IGF1R: variants seen among roughly 807,000 people sequenced by gnomAD.
IGF1R encodes the protein insulin-like growth factor 1 receptor.
In IGF1R, 44 loss-of-function variants were observed where a neutral mutation model predicts 144.6. That is an observed-to-expected ratio of 0.30 (90% CI 0.24 to 0.39). IGF1R has a LOEUF of 0.39. Ranked by LOEUF, IGF1R falls within the 10% of genes least tolerant of loss-of-function variation. IGF1R has a pLI of 1.00. For missense variants in IGF1R, 1,355 were observed against 1,833.7 expected (o/e 0.74, Z 4.77); for synonymous variants, 795 against 722.8 (o/e 1.10, Z -1.60).
chr15:98,723,817 C>T (rs1596235473), intron 2 of IGF1R, among the ~76,000 whole-genome samples: 1 of 152,098 alleles, frequency 6.6e-6, no homozygotes, highest in East Asian at 1.9e-4. Flanking sequence ...ATTATGAAGG[C>T]ATTTAGATTT....
chr15:98,840,684 T>G (rs1000556749), intron 2 of IGF1R, among the ~76,000 whole-genome samples: 11 of 150,856 alleles, frequency 7.3e-5, no homozygotes, highest in Admixed American at 4.0e-4. Context: ...TTTGTTTTTT[T>G]TTTTTTTTTG....
intron 4 of IGF1R, chr15:98,897,405 G>A (rs2151653667): frequency 5.5e-6 from 1 of 181,788 alleles, no homozygotes; most frequent in African/African-American, 2.4e-5. Flanking sequence ...GAGACAAAAG[G>A]ATACAAGTGT....
intron 1 of IGF1R, among the ~76,000 whole-genome samples, chr15:98,658,876 T>C (rs952642883): frequency 2.0e-5 from 3 of 152,230 alleles, no homozygotes; most frequent in African/African-American, 7.2e-5. Context: ...AGCTAAGCTC[T>C]CAGGCAAATA....
chr15:98,865,130 G>A (rs1212168055), intron 2 of IGF1R, among the ~76,000 whole-genome samples: 1 of 152,168 alleles, frequency 6.6e-6, no homozygotes, highest in Admixed American at 6.5e-5. Flanking sequence ...ATGATTCTGA[G>A]TTAGTTTGTG....
intron 2 of IGF1R, among the ~76,000 whole-genome samples, chr15:98,876,882 A>G (rs755870386): frequency 1.3e-5 from 2 of 152,218 alleles, no homozygotes; most frequent in African/African-American, 2.4e-5. Flanking sequence ...AGTCTAGTTG[A>G]TCTTTTGTGA....
intron 1 of IGF1R, among the ~76,000 whole-genome samples, chr15:98,679,893 G>A (rs1246345938): frequency 1.3e-5 from 2 of 151,928 alleles, no homozygotes; most frequent in Non-Finnish European, 2.9e-5. Flanking sequence ...CCCTTTGTAG[G>A]TCTAGGCTAA....
At chr15:98,757,591 A>C (rs927560052) in intron 2 of IGF1R, among the ~76,000 whole-genome samples, 1 of 152,158 alleles carries the variant, frequency 6.6e-6, no homozygotes, top group Non-Finnish European at 1.5e-5. Flanking sequence ...TATCACATGT[A>C]ATATCCCTCT....
At chr15:98,793,115 T>TC (rs1317901112) in intron 2 of IGF1R, among the ~76,000 whole-genome samples, 1 of 152,200 alleles carries the variant, frequency 6.6e-6, no homozygotes, top group Non-Finnish European at 1.5e-5. Flanking sequence ...GTGAAGTTGC[T>TC]CCAAATTCTC....
At chr15:98,674,520 T>C (rs1035984891) in intron 1 of IGF1R, among the ~76,000 whole-genome samples, 9 of 152,202 alleles carry the variant, frequency 5.9e-5, no homozygotes, top group Admixed American at 2.0e-4. Flanking sequence ...AGCAATCACG[T>C]GTACACATAG....
In IGF1R at chr15:98,957,056, T is replaced by C; in HGVS notation, c.3723-5T>C. 11 of 1,614,152 alleles carry C rather than the reference T, an allele frequency of 6.8e-6. No individual in the cohort carries two copies. Among genetic ancestry groups the C allele is most frequent in the South Asian group, 1.1e-5 (1 of 91,088 alleles). ...TGGACCCCCTCCCGTGTGTCTTGGC[T>C]GCAGGTTTGAACTGATGCGCATGTG... is the stretch of plus-strand genomic sequence containing the variant. On this transcript the variant is annotated splice_polypyrimidine_tract_variant and splice_region_variant and intron_variant, in intron 20 of 20. Coordinates refer to ENST00000650285, the MANE Select transcript of IGF1R (RefSeq NM_000875.5).
At chr15:98,929,762 A>G in intron 14 of IGF1R, 102 bp downstream of exon 14, 1 of 843,964 alleles carries the variant, frequency 1.2e-6, no homozygotes, top group South Asian at 1.4e-5. Context: ...GAAATATTTT[A>G]TGGACTGGAA....
At chr15:98,841,098 A>G (rs1204505612) in intron 2 of IGF1R, among the ~76,000 whole-genome samples, 1 of 152,136 alleles carries the variant, frequency 6.6e-6, no homozygotes, top group East Asian at 1.9e-4. Flanking sequence ...TATGTGTTGA[A>G]AAACAATCTT....
chr15:98,841,101 A>C (rs1008620647), intron 2 of IGF1R, among the ~76,000 whole-genome samples: 2 of 152,144 alleles, frequency 1.3e-5, no homozygotes, highest in Non-Finnish European at 2.9e-5. Flanking sequence ...GTGTTGAAAA[A>C]CAATCTTACT....
intron 1 of IGF1R, among the ~76,000 whole-genome samples, chr15:98,688,742 A>G (rs1384366071): frequency 6.6e-6 from 1 of 152,118 alleles, no homozygotes; most frequent in Non-Finnish European, 1.5e-5. Context: ...AAAAGGCCCC[A>G]TAGATGGGGT....
intron 1 of IGF1R, among the ~76,000 whole-genome samples, chr15:98,700,415 G>A (rs1356576756): frequency 6.6e-6 from 1 of 152,194 alleles, no homozygotes; most frequent in African/African-American, 2.4e-5. Flanking sequence ...GTAGTGACAG[G>A]TGGTGTGGTG....
At chr15:98,938,842 C>T (rs1411823519) in intron 17 of IGF1R, among the ~76,000 whole-genome samples, 3 of 152,176 alleles carry the variant, frequency 2.0e-5, no homozygotes, top group Admixed American at 6.5e-5. Context: ...ATAAAAGGAA[C>T]ATATAAACAA....
At chr15:98,754,770 T>A (rs2055107392) in intron 2 of IGF1R, among the ~76,000 whole-genome samples, 1 of 152,188 alleles carries the variant, frequency 6.6e-6, no homozygotes, top group Non-Finnish European at 1.5e-5. Flanking sequence ...CATAACAGGC[T>A]AATGAGAGGT....
Position 98,657,686 on chromosome 15 carries a change from C to T in IGF1R, c.94+8011C>T, listed in dbSNP as rs550907430. 4.6e-5 allele frequency among the ~76,000 whole-genome samples: 7 copies of T among 152,222 alleles called. No individual in the cohort carries two copies. In the East Asian group the frequency reaches 1.4e-3, roughly 29 times the overall value. On this transcript the variant is annotated intron_variant, in intron 1 of 20. Coordinates refer to ENST00000650285, the MANE Select transcript of IGF1R (RefSeq NM_000875.5). ...ACATGATATCGTGTAGTCGTAGGTA[C>T]AGAACTTTTGTTATGGTAGCCTTTC...
At chr15:98,869,510 A>G (rs939213015) in intron 2 of IGF1R, among the ~76,000 whole-genome samples, 68 of 146,226 alleles carry the variant, frequency 4.7e-4, no homozygotes, top group African/African-American at 1.7e-3. Flanking sequence ...TCTCCGGCTC[A>G]CCGCAACCTC....
Sources: allele counts gnomAD v4.1 joint callset (sites outside exome capture counted in the v4.1 genomes callset), GRCh38; gene constraint gnomAD v4.1.1; transcripts MANE v1.5; gene names NCBI Gene and HGNC (gene_info 2026-07-23, HGNC 2026-07-21).